The following BAIAP2 variants were observed in gnomAD, a reference collection of about 807,000 sequenced individuals.
The protein encoded by BAIAP2 is BAR/IMD domain-containing adapter protein 2.
Under a neutral mutation model 63.0 loss-of-function variants are expected in BAIAP2, and 18 were observed. The observed-to-expected ratio is 0.29, with a 90% CI of 0.20 to 0.42. The LOEUF (loss-of-function observed/expected upper bound fraction) is 0.42, where lower values mean the gene tolerates loss of function less well. BAIAP2 is among the 10% of genes least tolerant of loss of function. The pLI is 1.00. For synonymous variants in BAIAP2, 386 were observed against 307.6 expected, an observed-to-expected ratio of 1.25 and a Z score of -2.67; for missense variants, 610 against 734.3, an observed-to-expected ratio of 0.83 and a Z score of 1.96.
In BAIAP2 at chr17:81,103,681, C is replaced by G; in HGVS notation, c.822C>G (p.Ala274=). The change falls in exon 8 of 14, where the codon GCC becomes GCG. Residue 274 remains alanine (A), a synonymous_variant. Coordinates refer to ENST00000428708, the MANE Select transcript of BAIAP2 (RefSeq NM_001144888.2). The stretch of plus-strand genomic sequence containing the variant: ...TCATTTCCGACCCCATTCCGGGGGC[C>G]AAGCCCCTGCCGGTGCCCCCCGAGC... ...NLVISDPIPG[A]KPLPVPPELA... is the part of the protein sequence containing the mutation. The G allele has an allele frequency of 6.3e-7, 1 of 1,594,036 alleles. No individual in the cohort carries two copies. The highest frequency in any genetic ancestry group is 8.5e-7 in the Non-Finnish European group (1 of 1,170,526).
chr17:81,072,572 C>T (rs987957620), intron 3 of BAIAP2, among the ~76,000 whole-genome samples: 5 of 152,198 alleles, frequency 3.3e-5, no homozygotes, highest in Non-Finnish European at 7.3e-5. Context: ...AATTCCTGGC[C>T]CCTGTCCGAG....
At chr17:81,102,251 G>A (rs1463614200) in intron 7 of BAIAP2, among the ~76,000 whole-genome samples, 1 of 152,126 alleles carries the variant, frequency 6.6e-6, no homozygotes, top group Non-Finnish European at 1.5e-5. Flanking sequence ...GGCCTGCCTC[G>A]GGGCTCTCAG....
intron 3 of BAIAP2, among the ~76,000 whole-genome samples, chr17:81,065,853 C>T (rs986715379): frequency 3.3e-5 from 5 of 152,244 alleles, no homozygotes; most frequent in African/African-American, 1.2e-4. Flanking sequence ...TGCCCTTTGG[C>T]CTGGCTGTGC....
At chr17:81,057,846 G>A in intron 2 of BAIAP2, 35 bp from the exon 3 acceptor site, 1 of 1,599,388 alleles carries the variant, frequency 6.3e-7, no homozygotes, top group Non-Finnish European at 8.5e-7. Context: ...TGTCCCTCGT[G>A]GAGGAAATAA....
intron 3 of BAIAP2, among the ~76,000 whole-genome samples, chr17:81,073,840 C>T (rs374580084): frequency 1.3e-5 from 2 of 152,200 alleles, no homozygotes; most frequent in South Asian, 2.1e-4. Context: ...AGATGCCCAG[C>T]GCCCCAGAGG....
chr17:81,114,124 C>T (rs1057093836), intron 13 of BAIAP2, among the ~76,000 whole-genome samples: 10 of 150,048 alleles, frequency 6.7e-5, no homozygotes, highest in African/African-American at 1.5e-4. Context: ...ACCACTCTCC[C>T]GCACCTGCCT....
intron 1 of BAIAP2, chr17:81,036,864 G>A: frequency 2.0e-6 from 3 of 1,535,704 alleles, no homozygotes; most frequent in South Asian, 1.2e-5. Flanking sequence ...TGATTGCAGA[G>A]GGTGGAAGAG....
At chr17:81,060,980 C>T (rs1423755662) in intron 3 of BAIAP2, among the ~76,000 whole-genome samples, 3 of 152,068 alleles carry the variant, frequency 2.0e-5, no homozygotes, top group Non-Finnish European at 1.5e-5. Context: ...AAAAATTAGC[C>T]GGGCGTGGTG....
intron 6 of BAIAP2, among the ~76,000 whole-genome samples, chr17:81,090,900 A>T (rs1466880940): frequency 3.9e-5 from 6 of 152,152 alleles, no homozygotes; most frequent in African/African-American, 1.4e-4. Flanking sequence ...GCTCTGTGGG[A>T]CTTCTACTTT....
At chr17:81,037,262 C>T (rs1270313171) in intron 1 of BAIAP2, among the ~76,000 whole-genome samples, 21 of 152,232 alleles carry the variant, frequency 1.4e-4, no homozygotes. Flanking sequence ...TTTGATTTAG[C>T]ACGGCAGGAC....
chr17:81,074,404 G>A (rs1004197027), intron 3 of BAIAP2, among the ~76,000 whole-genome samples: 5 of 151,708 alleles, frequency 3.3e-5, no homozygotes, highest in Admixed American at 1.3e-4. Flanking sequence ...GCTGGTGTGC[G>A]TGCATGGATG....
chr17:81,046,042 A>G lies in BAIAP2; in HGVS notation c.55-7626A>G, dbSNP rs2047757408. Among the ~76,000 whole-genome samples the G allele has an allele frequency of 6.6e-6, 1 of 152,058 alleles. No individual in the cohort carries two copies. The highest frequency in any genetic ancestry group is 1.5e-5 in the Non-Finnish European group (1 of 67,978). On this transcript the variant is annotated intron_variant, in intron 1 of 13. Transcript: ENST00000428708. The surrounding 1 kb of genome is among the most constrained non-coding windows in gnomAD (Gnocchi z 4.5). ...GCACGGCAGAGGGGTTTGGCCACCCAGTTTTCTTCTCCCCTCGGCTGTGGG... is the reference window on the plus strand; with the variant it reads ...GCACGGCAGAGGGGTTTGGCCACCCGGTTTTCTTCTCCCCTCGGCTGTGGG...
chr17:81,082,592 G>A (rs1431964131), intron 3 of BAIAP2, among the ~76,000 whole-genome samples: 5 of 152,352 alleles, frequency 3.3e-5, no homozygotes, highest in African/African-American at 7.2e-5. Context: ...AGCGGGACAC[G>A]TGTCACAGGA....
At chr17:81,067,334 G>C (rs12949878) in intron 3 of BAIAP2, among the ~76,000 whole-genome samples, 55,282 of 152,180 alleles carry the variant, frequency 0.36, 10,167 homozygotes, top group East Asian at 0.43. Context: ...AGAGGCGCGT[G>C]CTCCTGCTGA....
At chr17:81,081,263 C>T (rs753404119) in intron 3 of BAIAP2, among the ~76,000 whole-genome samples, 10 of 152,200 alleles carry the variant, frequency 6.6e-5, no homozygotes, top group Admixed American at 1.3e-4. Flanking sequence ...CAAAGAACGC[C>T]GAGAAGCACG....
chr17:81,053,788 G>A (rs371502540), intron 2 of BAIAP2, 45 bp downstream of exon 2: 13 of 1,604,282 alleles, frequency 8.1e-6, no homozygotes, highest in African/African-American at 5.4e-5. Context: ...TGCCTCCTGA[G>A]CTGGTAGAAC....
At chr17:81,090,305 A>C (rs2145471784) in intron 6 of BAIAP2, among the ~76,000 whole-genome samples, 1 of 152,298 alleles carries the variant, frequency 6.6e-6, no homozygotes, top group African/African-American at 2.4e-5. Flanking sequence ...AGCCAGGATG[A>C]GCCGACATCA....
At chr17:81,079,499 C>A (rs2054235424) in intron 3 of BAIAP2, among the ~76,000 whole-genome samples, 1 of 152,072 alleles carries the variant, frequency 6.6e-6, no homozygotes, top group Non-Finnish European at 1.5e-5. Flanking sequence ...CATGTGTGCC[C>A]CCTTTCTAGC....
At position 81,046,971 on chromosome 17, in the gene BAIAP2, C is replaced by T. The variant is rs369882096; in HGVS notation, c.55-6697C>T. ...AGCTGCCACCGGCTTCTGCCTGTCG[C>T]GACAGAGGTGGAAGTGAGGGCGGTG... On this transcript the variant is annotated intron_variant, in intron 1 of 13. Coordinates refer to ENST00000428708, the MANE Select transcript of BAIAP2 (RefSeq NM_001144888.2). The surrounding 1 kb of genome is among the most constrained non-coding windows in gnomAD (Gnocchi z 4.5). Among the ~76,000 whole-genome samples, 1,111 of 152,296 alleles carry T rather than the reference C, an allele frequency of 7.3e-3. 11 individuals carry two copies. The highest frequency in any genetic ancestry group is 0.025 in the African/African-American group (1,030 of 41,550).
Sources: gnomAD v4.1 joint callset for allele counts (sites outside exome capture counted in the v4.1 genomes callset) on GRCh38, gnomAD v4.1.1 for gene constraint, Gnocchi (gnomAD v3.1) non-coding constraint, MANE v1.5 for transcripts, NCBI Gene and HGNC (gene_info 2026-07-23, HGNC 2026-07-21) for gene names.